The following FBXW10B variants were observed in gnomAD, a reference collection of about 807,000 sequenced individuals.
The protein encoded by FBXW10B is F-box and WD repeat domain containing 10B.
chr17:15,603,400 T>G, the FBXW10B span, among the ~76,000 whole-genome samples: 1 of 152,100 alleles, frequency 6.6e-6, no homozygotes, highest in South Asian at 2.1e-4. Context: ...AAATCTCCTA[T>G]GTATATACAC....
chr17:15,565,964 C>G, the FBXW10B span: 324,159 of 1,247,924 alleles, frequency 0.26, 92,678 homozygotes, highest in African/African-American at 0.69. Flanking sequence ...ATCATGGGCT[C>G]GGGTATGGTG....
At chr17:15,613,362 G>A in the FBXW10B span, among the ~76,000 whole-genome samples, 1 of 138,820 alleles carries the variant, frequency 7.2e-6, no homozygotes, top group East Asian at 2.1e-4. Context: ...GTGAGGTGTT[G>A]GAAAGGCTCT....
chr17:15,598,234 G>A, the FBXW10B span, among the ~76,000 whole-genome samples: 1 of 152,006 alleles, frequency 6.6e-6, no homozygotes, highest in Non-Finnish European at 1.5e-5. Flanking sequence ...AGGAGACAAT[G>A]AGCCCTTTGA....
the FBXW10B span, chr17:15,566,217 G>A: frequency 6.2e-7 from 1 of 1,612,364 alleles, no homozygotes; most frequent in South Asian, 1.1e-5. Flanking sequence ...CGGAATTACG[G>A]GCGTGCTGCA....
chr17:15,570,852 C>G, the FBXW10B span, among the ~76,000 whole-genome samples: 1 of 152,166 alleles, frequency 6.6e-6, no homozygotes, highest in Non-Finnish European at 1.5e-5. Flanking sequence ...CGATAAAACA[C>G]AAAAGCCACA....
At chr17:15,601,510 A>T in the FBXW10B span, among the ~76,000 whole-genome samples, 1 of 152,128 alleles carries the variant, frequency 6.6e-6, no homozygotes, top group African/African-American at 2.4e-5. Flanking sequence ...ACACAAGATC[A>T]ATTTACAAAA....
At chr17:15,604,081 A>G in the FBXW10B span, among the ~76,000 whole-genome samples, 1 of 148,678 alleles carries the variant, frequency 6.7e-6, no homozygotes, top group Non-Finnish European at 1.5e-5. Context: ...CTCTATCTCA[A>G]AAAAAAAAAA....
chr17:15,619,631 G>A, the FBXW10B span: 21 of 1,509,102 alleles, frequency 1.4e-5, no homozygotes, highest in African/African-American at 1.6e-4. Flanking sequence ...TATTACAAAC[G>A]TCTCCCAGAG....
chr17:15,612,290 A>T, the FBXW10B span, among the ~76,000 whole-genome samples: 1 of 151,928 alleles, frequency 6.6e-6, no homozygotes, highest in Admixed American at 6.6e-5. Context: ...GGCGGATCAC[A>T]AGGTCAGGAG....
the FBXW10B span, among the ~76,000 whole-genome samples, chr17:15,613,329 G>A: frequency 2.1e-5 from 3 of 146,142 alleles, no homozygotes; most frequent in African/African-American, 8.0e-5. Flanking sequence ...ATAACTCCCT[G>A]GGGGCTGGGG....
chr17:15,567,750 T>C, the FBXW10B span, among the ~76,000 whole-genome samples: 1 of 152,210 alleles, frequency 6.6e-6, no homozygotes, highest in Non-Finnish European at 1.5e-5. Flanking sequence ...GATATAATAA[T>C]AAGATCGCTA....
At chr17:15,585,590 T>G in the FBXW10B span, among the ~76,000 whole-genome samples, 1 of 152,244 alleles carries the variant, frequency 6.6e-6, no homozygotes, top group Admixed American at 6.5e-5. Context: ...CCTAATGATT[T>G]CCCATCCAAA....
the FBXW10B span, chr17:15,568,930 G>A: frequency 8.1e-7 from 1 of 1,231,582 alleles, no homozygotes; most frequent in Non-Finnish European, 1.0e-6. Context: ...GTTTTGCGTG[G>A]GTTATTACAG....
At chr17:15,616,754 G>T in the FBXW10B span, among the ~76,000 whole-genome samples, 2 of 145,788 alleles carry the variant, frequency 1.4e-5, no homozygotes, top group Non-Finnish European at 3.0e-5. Flanking sequence ...GCTTGCAGCA[G>T]TGAGCCAAGA....
the FBXW10B span, chr17:15,593,452 C>A: frequency 2.5e-6 from 4 of 1,614,000 alleles, no homozygotes; most frequent in Non-Finnish European, 3.4e-6. Flanking sequence ...TCTGCACAGG[C>A]GCTGATGACC....
chr17:15,608,926 T>C, the FBXW10B span, among the ~76,000 whole-genome samples: 2 of 152,120 alleles, frequency 1.3e-5, no homozygotes, highest in Non-Finnish European at 2.9e-5. Context: ...CGCTTTCATT[T>C]GCTTCCCAGT....
chr17:15,569,339 T>C, the FBXW10B span, among the ~76,000 whole-genome samples: 6 of 152,140 alleles, frequency 3.9e-5, no homozygotes, highest in African/African-American at 1.2e-4. Flanking sequence ...CTGACTGGGG[T>C]AAAATGATAT....
chr17:15,574,062 G>C, the FBXW10B span: 1 of 692,532 alleles, frequency 1.4e-6, no homozygotes. Context: ...GGAGAGGAAT[G>C]TCTCGTCTTC....
At chr17:15,608,456 G>A in the FBXW10B span, among the ~76,000 whole-genome samples, 5 of 145,062 alleles carry the variant, frequency 3.4e-5, no homozygotes, top group Admixed American at 2.1e-4. Flanking sequence ...CACCAGGCCC[G>A]GCTGCAATTT....
Sources: gnomAD v4.1 joint callset for allele counts (sites outside exome capture counted in the v4.1 genomes callset) on GRCh38, gnomAD v4.1.1 for gene constraint, MANE v1.5 for transcripts, NCBI Gene and HGNC (gene_info 2026-07-23, HGNC 2026-07-21) for gene names.